Variants in SLC22A23 observed in about 807,000 individuals in gnomAD.
SLC22A23 encodes the protein ion transporter protein.
In SLC22A23, 26 loss-of-function variants were observed where a neutral mutation model predicts 61.0. The ratio of observed to expected loss-of-function variants is 0.43; its 90% CI spans 0.31 to 0.59. The LOEUF (loss-of-function observed/expected upper bound fraction) is 0.59. Among genes scored for constraint, SLC22A23 ranks in the 20% least tolerant of loss-of-function variants. The pLI is 0.11. For synonymous variants in SLC22A23, 430 were observed against 413.9 expected (o/e 1.04, Z -0.47); for missense variants, 796 against 934.7 (o/e 0.85, Z 1.94).
At chr6:3,401,616 C>G (rs187330530) in intron 3 of SLC22A23, among the ~76,000 whole-genome samples, 1 of 152,310 alleles carries the variant, frequency 6.6e-6, no homozygotes, top group African/African-American at 2.4e-5. Context: ...GGACATTTTT[C>G]AATGTCCTGC....
intron 3 of SLC22A23, among the ~76,000 whole-genome samples, chr6:3,403,351 G>GA (rs893516163): frequency 2.4e-3 from 343 of 140,720 alleles, no homozygotes; most frequent in East Asian, 0.01. Context: ...TCCAGGTGTG[G>GA]AAAAAAAAAA....
intron 8 of SLC22A23, among the ~76,000 whole-genome samples, chr6:3,284,522 C>T (rs575582091): frequency 9.8e-5 from 15 of 152,364 alleles, no homozygotes; most frequent in Admixed American, 6.5e-5. Flanking sequence ...CAGGACCATA[C>T]AGCTGGGGCT....
At chr6:3,353,584 C>T (rs1764901523) in intron 3 of SLC22A23, among the ~76,000 whole-genome samples, 1 of 152,172 alleles carries the variant, frequency 6.6e-6, no homozygotes, top group Non-Finnish European at 1.5e-5. Flanking sequence ...AGCTGCAAAT[C>T]ACAAGACTAG....
intron 6 of SLC22A23, among the ~76,000 whole-genome samples, chr6:3,288,927 G>A (rs1244271642): frequency 1.3e-5 from 2 of 152,244 alleles, no homozygotes; most frequent in African/African-American, 4.8e-5. Context: ...CCAATATGGA[G>A]AACTGATGAG....
intron 1 of SLC22A23, among the ~76,000 whole-genome samples, chr6:3,420,478 C>A (rs536971569): frequency 6.6e-6 from 1 of 151,864 alleles, no homozygotes; most frequent in East Asian, 1.9e-4. Flanking sequence ...AAAATAAGAA[C>A]ATAAAAAAAT....
intron 4 of SLC22A23, among the ~76,000 whole-genome samples, chr6:3,299,082 A>G (rs562803350): frequency 3.9e-5 from 6 of 152,188 alleles, no homozygotes; most frequent in Admixed American, 1.3e-4. Context: ...TATGTACTGC[A>G]CCATCACTGT....
chr6:3,289,993 T>C (rs1561870832), intron 5 of SLC22A23, 127 bp from the exon 6 acceptor site: 2 of 762,092 alleles, frequency 2.6e-6, no homozygotes, highest in South Asian at 1.6e-5. Flanking sequence ...TTTTTTTTTT[T>C]TTTTTTTTTG....
intron 3 of SLC22A23, among the ~76,000 whole-genome samples, chr6:3,368,594 A>G (rs1488244038): frequency 6.6e-6 from 1 of 152,220 alleles, no homozygotes; most frequent in Non-Finnish European, 1.5e-5. Flanking sequence ...AAAAACTGAA[A>G]AAGTTAAGGA....
At chr6:3,334,960 C>G (rs1208179171) in intron 3 of SLC22A23, among the ~76,000 whole-genome samples, 1 of 152,150 alleles carries the variant, frequency 6.6e-6, no homozygotes, top group African/African-American at 2.4e-5. Flanking sequence ...CACCATATTG[C>G]CTTTGGAGAA....
chr6:3,450,953 T>C (rs1007938423), intron 1 of SLC22A23, among the ~76,000 whole-genome samples: 1 of 152,184 alleles, frequency 6.6e-6, no homozygotes, highest in Non-Finnish European at 1.5e-5. Context: ...AGGATACAAA[T>C]TACTTCCCAG....
At chr6:3,293,562 C>T (rs1270938584) in intron 5 of SLC22A23, among the ~76,000 whole-genome samples, 1 of 152,252 alleles carries the variant, frequency 6.6e-6, no homozygotes, top group African/African-American at 2.4e-5. Context: ...CAACAACTGA[C>T]CGGGCACTGC....
intron 1 of SLC22A23, among the ~76,000 whole-genome samples, chr6:3,452,555 C>T (rs901492493): frequency 7.8e-6 from 1 of 128,258 alleles, no homozygotes; most frequent in Non-Finnish European, 1.5e-5. Flanking sequence ...GCTGTGATAT[C>T]GTACCACTGG....
intron 4 of SLC22A23, among the ~76,000 whole-genome samples, chr6:3,300,642 T>G (rs1301196298): frequency 2.6e-5 from 4 of 152,250 alleles, no homozygotes; most frequent in Non-Finnish European, 5.9e-5. Context: ...GGTATTTTGT[T>G]GTAGCAGCAG....
chr6:3,315,353 G>A (rs1289295687), intron 4 of SLC22A23, among the ~76,000 whole-genome samples: 5 of 152,188 alleles, frequency 3.3e-5, no homozygotes, highest in Admixed American at 1.3e-4. Flanking sequence ...AAATGCGTGC[G>A]TGTCCCCACA....
intron 3 of SLC22A23, among the ~76,000 whole-genome samples, chr6:3,398,643 C>A (rs1276778664): frequency 2.0e-5 from 3 of 151,898 alleles, no homozygotes; most frequent in African/African-American, 7.3e-5. Context: ...GGCCCTGCAG[C>A]TTCGCCCAAG....
intron 1 of SLC22A23, among the ~76,000 whole-genome samples, chr6:3,421,938 C>A (rs371043406): frequency 5.9e-5 from 9 of 152,086 alleles, no homozygotes; most frequent in Non-Finnish European, 1.3e-4. Flanking sequence ...CTGACTAAAG[C>A]GAAAAGTGTT....
At position 3,318,312 on chromosome 6, in the gene SLC22A23, C is replaced by T. The variant is rs1232861158; in HGVS notation, c.1082+5522G>A. 6.6e-6 allele frequency among the ~76,000 whole-genome samples: 1 copy of T among 152,176 alleles called. No individual in the cohort carries two copies. The highest frequency in any genetic ancestry group is 2.4e-5 in the African/African-American group (1 of 41,430). Reference sequence around the variant, plus strand: ...TTCACCTGCAAGTGTACTTTTCACACACAAACCAACCCATCCAGAGCCGAT... The same window carrying T: ...TTCACCTGCAAGTGTACTTTTCACATACAAACCAACCCATCCAGAGCCGAT... On this transcript the variant is annotated intron_variant, in intron 4 of 9. Coordinates refer to ENST00000406686, the MANE Select transcript of SLC22A23 (RefSeq NM_015482.2). The surrounding 1 kb of genome is among the most constrained non-coding windows in gnomAD (Gnocchi z 4.3).
intron 8 of SLC22A23, among the ~76,000 whole-genome samples, chr6:3,284,756 C>A (rs568919144): frequency 6.6e-6 from 1 of 152,360 alleles, no homozygotes; most frequent in Admixed American, 6.5e-5. Flanking sequence ...CTTTCTCCCC[C>A]CACCCAGACA....
chr6:3,449,773 A>G (rs1772080197), intron 1 of SLC22A23, among the ~76,000 whole-genome samples: 1 of 152,250 alleles, frequency 6.6e-6, no homozygotes, highest in Non-Finnish European at 1.5e-5. Context: ...TTAACATAAA[A>G]ATGCAGCCTA....
Sources: allele counts gnomAD v4.1 joint callset (sites outside exome capture counted in the v4.1 genomes callset), GRCh38; gene constraint gnomAD v4.1.1; non-coding constraint Gnocchi (gnomAD v3.1); transcripts MANE v1.5; gene names NCBI Gene and HGNC (gene_info 2026-07-23, HGNC 2026-07-21).